AUTS2: variants seen among roughly 807,000 people sequenced by gnomAD.
The protein encoded by AUTS2 is autism susceptibility gene 2 protein.
A neutral mutation model predicts 112.4 loss-of-function variants in AUTS2; 17 were observed. That is an observed-to-expected ratio of 0.15 (90% CI 0.10 to 0.23). The LOEUF (loss-of-function observed/expected upper bound fraction) is 0.23. Ranked by LOEUF, AUTS2 falls within the 10% of genes least tolerant of loss-of-function variation. AUTS2 has a pLI of 1.00. For synonymous variants in AUTS2, 751 were observed against 702.7 expected (o/e 1.07, Z -1.09); for missense variants, 1,510 against 1,701.6 (o/e 0.89, Z 1.98).
intron 5 of AUTS2, among the ~76,000 whole-genome samples, chr7:70,684,533 A>ATGTGG (rs781514987): frequency 6.9e-6 from 1 of 145,184 alleles, no homozygotes; most frequent in African/African-American, 2.6e-5. Flanking sequence ...GTGTGGCGTG[A>ATGTGG]TGTGGTGTGG....
intron 4 of AUTS2, among the ~76,000 whole-genome samples, chr7:70,298,602 T>C (rs1789055561): frequency 6.6e-6 from 1 of 152,234 alleles, no homozygotes; most frequent in African/African-American, 2.4e-5. Flanking sequence ...TATTAGCTTC[T>C]GTAAGATGTT....
intron 5 of AUTS2, among the ~76,000 whole-genome samples, chr7:70,490,300 A>G (rs946674828): frequency 6.6e-6 from 1 of 152,116 alleles, no homozygotes. Context: ...AATAAAAAAA[A>G]GAACACAAAT....
At chr7:70,628,012 G>A (rs2129538030) in intron 5 of AUTS2, among the ~76,000 whole-genome samples, 1 of 152,300 alleles carries the variant, frequency 6.6e-6, no homozygotes, top group East Asian at 1.9e-4. Flanking sequence ...CCTGGCTGAT[G>A]GAAGAGCATG....
Position 70,559,337 on chromosome 7 carries a change from C to CT in AUTS2, c.690+123569dup, listed in dbSNP as rs560110467. Among the ~76,000 whole-genome samples the CT allele has an allele frequency of 1.7e-3, 245 of 144,952 alleles. 1 individual carries two copies. Among genetic ancestry groups the CT allele is most frequent in the African/African-American group, 3.6e-3 (141 of 39,688 alleles). On this transcript the variant is annotated intron_variant, in intron 5 of 18. Transcript: ENST00000342771. ...GATGGCTTCTACCCTTCCTTTCTTT[C>CT]TTTTTTTTTTTTTCTGAGGCGGAGT...
chr7:70,226,102 T>C (rs1811748680), intron 4 of AUTS2, among the ~76,000 whole-genome samples: 1 of 152,224 alleles, frequency 6.6e-6, no homozygotes, highest in Non-Finnish European at 1.5e-5. Context: ...AGAACATTTA[T>C]GTCATCTATT....
intron 5 of AUTS2, among the ~76,000 whole-genome samples, chr7:70,487,536 C>T (rs146309249): frequency 6.6e-6 from 1 of 152,164 alleles, no homozygotes; most frequent in African/African-American, 2.4e-5. Context: ...TACCAAGATG[C>T]AACAGAGGGC....
intron 4 of AUTS2, among the ~76,000 whole-genome samples, chr7:70,141,613 C>T (rs1806867117): frequency 6.6e-6 from 1 of 151,996 alleles, no homozygotes; most frequent in Admixed American, 6.6e-5. Context: ...TGTGTTTTTT[C>T]CTCCTAGTAA....
At chr7:70,030,674 G>A (rs896600298) in intron 2 of AUTS2, among the ~76,000 whole-genome samples, 2 of 152,078 alleles carry the variant, frequency 1.3e-5, no homozygotes, top group African/African-American at 4.8e-5. Flanking sequence ...CATACACTAT[G>A]GATTAAACCA....
chr7:69,884,351 C>G (rs992796679), intron 1 of AUTS2, among the ~76,000 whole-genome samples: 1 of 152,206 alleles, frequency 6.6e-6, no homozygotes, highest in African/African-American at 2.4e-5. Context: ...GTCATTTTCT[C>G]AAATCAGACA....
At chr7:70,342,585 A>G (rs1326226639) in intron 4 of AUTS2, among the ~76,000 whole-genome samples, 1 of 152,136 alleles carries the variant, frequency 6.6e-6, no homozygotes, top group Non-Finnish European at 1.5e-5. Context: ...AAATGTGGCT[A>G]GTGAGACTAA....
chr7:70,252,544 G>T (rs1333705041), intron 4 of AUTS2, among the ~76,000 whole-genome samples: 1 of 152,010 alleles, frequency 6.6e-6, no homozygotes, highest in East Asian at 1.9e-4. Flanking sequence ...CTCCCAATCT[G>T]CAAGCTATTT....
At chr7:70,458,745 G>A (rs191604702) in intron 5 of AUTS2, among the ~76,000 whole-genome samples, 5 of 152,232 alleles carry the variant, frequency 3.3e-5, no homozygotes, top group East Asian at 1.9e-4. Context: ...ACCCAAACAC[G>A]GAAAAGCCAT....
intron 6 of AUTS2, among the ~76,000 whole-genome samples, chr7:70,742,165 T>A (rs1788153557): frequency 6.6e-6 from 1 of 152,208 alleles, no homozygotes; most frequent in African/African-American, 2.4e-5. Flanking sequence ...TAAGGATACA[T>A]AAATTATACT....
intron 1 of AUTS2, among the ~76,000 whole-genome samples, chr7:69,748,879 A>T (rs1473463749): frequency 6.6e-6 from 1 of 152,152 alleles, no homozygotes; most frequent in African/African-American, 2.4e-5. Flanking sequence ...CAATTTGCTT[A>T]GGGGTAAGTT....
intron 4 of AUTS2, among the ~76,000 whole-genome samples, chr7:70,176,978 CA>C (rs1450704065): frequency 6.6e-6 from 1 of 152,106 alleles, no homozygotes. Context: ...AGTATATTAG[CA>C]AGTTACAGAA....
intron 2 of AUTS2, among the ~76,000 whole-genome samples, chr7:70,096,599 T>TAAA (rs374942971): frequency 2.4e-5 from 2 of 84,696 alleles, no homozygotes; most frequent in African/African-American, 8.9e-5. Context: ...AACTCCATCT[T>TAAA]AAAAAAAAAA....
intron 1 of AUTS2, among the ~76,000 whole-genome samples, chr7:69,888,050 CCT>C (rs1270450300): frequency 3.3e-5 from 5 of 152,116 alleles, no homozygotes; most frequent in African/African-American, 1.2e-4. Context: ...GTGGCTCATG[CCT>C]CTAATCCCAA....
intron 4 of AUTS2, among the ~76,000 whole-genome samples, chr7:70,140,232 G>A (rs1291602948): frequency 1.3e-5 from 2 of 152,092 alleles, no homozygotes; most frequent in Non-Finnish European, 2.9e-5. Flanking sequence ...GCTTCAATTA[G>A]GAGCCACATA....
At chr7:70,282,705 T>A (rs977976424) in intron 4 of AUTS2, among the ~76,000 whole-genome samples, 2 of 152,210 alleles carry the variant, frequency 1.3e-5, no homozygotes, top group African/African-American at 4.8e-5. Context: ...GTATTTGTTA[T>A]TCTGGCAGTG....
Sources: gnomAD v4.1 joint callset for allele counts (sites outside exome capture counted in the v4.1 genomes callset) on GRCh38, gnomAD v4.1.1 for gene constraint, MANE v1.5 for transcripts, NCBI Gene and HGNC (gene_info 2026-07-23, HGNC 2026-07-21) for gene names.